HAUS1: variants seen among roughly 807,000 people sequenced by gnomAD.
HAUS1 encodes HAUS augmin like complex subunit 1.
Under a neutral mutation model 38.6 loss-of-function variants are expected in HAUS1, and 25 were observed. The ratio of observed to expected loss-of-function variants is 0.65; its 90% CI spans 0.47 to 0.91. The LOEUF (loss-of-function observed/expected upper bound fraction) is 0.91, where lower values mean the gene tolerates loss of function less well. Ranked by LOEUF, HAUS1 falls within the 40% of genes least tolerant of loss-of-function variation. The probability of loss-of-function intolerance (pLI) is 0.00; values close to 1 mark genes in which losing one functional copy is unlikely to be tolerated. For synonymous variants in HAUS1, 109 were observed against 112.9 expected (o/e 0.97, Z 0.22); for missense variants, 325 against 328.4 (o/e 0.99, Z 0.08).
intron 2 of HAUS1, chr18:46,115,017 A>G (rs1911762714): frequency 6.6e-6 from 1 of 152,294 alleles, no homozygotes; most frequent in Admixed American, 6.5e-5. Flanking sequence ...CTGGAAGTTG[A>G]TCTCCTGGTC....
At chr18:46,120,489 C>T (rs1384418742) in intron 4 of HAUS1, among the ~76,000 whole-genome samples, 12 of 151,952 alleles carry the variant, frequency 7.9e-5, no homozygotes, top group South Asian at 2.1e-4. Context: ...CCGCCTCGGC[C>T]TCCCAAAGTG....
intron 2 of HAUS1, among the ~76,000 whole-genome samples, chr18:46,112,075 T>C (rs1208210323): frequency 6.7e-6 from 1 of 150,090 alleles, no homozygotes; most frequent in Non-Finnish European, 1.5e-5. Flanking sequence ...TTAGTAGAGA[T>C]GGGGTTTCAC....
chr18:46,113,082 A>G (rs1448068618), intron 2 of HAUS1, among the ~76,000 whole-genome samples: 1 of 131,336 alleles, frequency 7.6e-6, no homozygotes, highest in African/African-American at 3.0e-5. Context: ...TTCCATATAT[A>G]TATATATATT....
At chr18:46,104,690 CCA>C (rs1911406934) in intron 1 of HAUS1, among the ~76,000 whole-genome samples, 1 of 152,146 alleles carries the variant, frequency 6.6e-6, no homozygotes, top group Non-Finnish European at 1.5e-5. Flanking sequence ...CAGCCCGTGT[CCA>C]CAGACTCTGG....
chr18:46,115,874 C>T (rs555275309), intron 2 of HAUS1, among the ~76,000 whole-genome samples: 1 of 151,574 alleles, frequency 6.6e-6, no homozygotes, highest in Non-Finnish European at 1.5e-5. Context: ...CTCAGCACTT[C>T]GGGAGGCTGA....
At chr18:46,120,485 C>T (rs984402798) in intron 4 of HAUS1, among the ~76,000 whole-genome samples, 7 of 151,824 alleles carry the variant, frequency 4.6e-5, no homozygotes, top group African/African-American at 1.5e-4. Context: ...CCGCCCGCCT[C>T]GGCCTCCCAA....
Position 46,128,068 on chromosome 18 carries a change from C to G in HAUS1, c.787-7C>G, listed in dbSNP as rs369208933. The G allele has an allele frequency of 1.3e-6, 2 of 1,548,314 alleles. No individual in the cohort carries two copies. Among genetic ancestry groups the G allele is most frequent in the South Asian group, 2.4e-5 (2 of 82,374 alleles). ...TCCTTATCTATGGTATGTCTTTCTT[C>G]CTGTAGGATAGCATTGAAGCTGAAC... On this transcript the variant is annotated splice_polypyrimidine_tract_variant and splice_region_variant and intron_variant, in intron 8 of 8. Transcript: ENST00000282058.
intron 6 of HAUS1, among the ~76,000 whole-genome samples, chr18:46,124,038 G>T (rs1912026786): frequency 6.6e-6 from 1 of 151,978 alleles, no homozygotes; most frequent in Non-Finnish European, 1.5e-5. Context: ...ACCACACCCA[G>T]CCTCCTTTAT....
chr18:46,107,754 G>A (rs1040999856), intron 2 of HAUS1, among the ~76,000 whole-genome samples: 1 of 152,180 alleles, frequency 6.6e-6, no homozygotes, highest in Non-Finnish European at 1.5e-5. Context: ...TTTTTTAGGT[G>A]CAGTTTTTAT....
At chr18:46,120,963 C>CA (rs1911923347) in intron 4 of HAUS1, among the ~76,000 whole-genome samples, 3 of 152,262 alleles carry the variant, frequency 2.0e-5, no homozygotes, top group Admixed American at 2.0e-4. Flanking sequence ...TACTTAAAGT[C>CA]ACATTATGTT....
In HAUS1 at chr18:46,128,070, TG is replaced by T. The variant is rs755909032; in HGVS notation, c.787-4del. The T allele has an allele frequency of 6.4e-7, 1 of 1,562,328 alleles. No homozygotes were observed. The highest frequency in any genetic ancestry group is 2.0e-5 in the Admixed American group (1 of 50,576). ...CTTATCTATGGTATGTCTTTCTTCC[TG>T]TAGGATAGCATTGAAGCTGAACTTA... On this transcript the variant is annotated splice_polypyrimidine_tract_variant and splice_region_variant and intron_variant, in intron 8 of 8. Coordinates refer to ENST00000282058, the MANE Select transcript of HAUS1 (RefSeq NM_138443.4).
At chr18:46,127,023 G>A (rs1312448171) in intron 8 of HAUS1, among the ~76,000 whole-genome samples, 1 of 151,756 alleles carries the variant, frequency 6.6e-6, no homozygotes, top group Non-Finnish European at 1.5e-5. Context: ...TTAGTAGGAC[G>A]GGGTTTTGCT....
intron 7 of HAUS1, 42 bp from the exon 8 acceptor site, chr18:46,125,702 T>C (rs779900856): frequency 7.3e-6 from 10 of 1,367,974 alleles, no homozygotes; most frequent in South Asian, 6.2e-5. Context: ...TGGGTCTGAA[T>C]TGAGGCAATA....
At chr18:46,113,224 G>A (rs1911720295) in intron 2 of HAUS1, among the ~76,000 whole-genome samples, 1 of 151,066 alleles carries the variant, frequency 6.6e-6, no homozygotes, top group Non-Finnish European at 1.5e-5. Context: ...CTACAGGCGT[G>A]CAACACTATG....
At chr18:46,125,620 T>C (rs1295296914) in intron 7 of HAUS1, 124 bp from the exon 8 acceptor site, 1 of 622,610 alleles carries the variant, frequency 1.6e-6, no homozygotes, top group East Asian at 2.8e-5. Flanking sequence ...ATTTCAGTGT[T>C]ATATGTACAT....
At chr18:46,124,603 A>G (rs1340119686) in intron 6 of HAUS1, among the ~76,000 whole-genome samples, 1 of 151,886 alleles carries the variant, frequency 6.6e-6, no homozygotes, top group African/African-American at 2.4e-5. Context: ...AATTATAATA[A>G]TAATAATTAA....
chr18:46,109,464 A>C (rs771046234), intron 2 of HAUS1, among the ~76,000 whole-genome samples: 3 of 152,118 alleles, frequency 2.0e-5, no homozygotes, highest in Non-Finnish European at 2.9e-5. Flanking sequence ...ATTTCATTTC[A>C]TTATGACCAG....
chr18:46,104,796 C>G (rs1357083260), intron 1 of HAUS1, among the ~76,000 whole-genome samples: 1 of 148,610 alleles, frequency 6.7e-6, no homozygotes, highest in Non-Finnish European at 1.5e-5. Context: ...CATCCCAACA[C>G]TGGGAGCCTC....
At chr18:46,120,239 CTT>C (rs760308150) in intron 4 of HAUS1, among the ~76,000 whole-genome samples, 179 bp downstream of exon 4, 2 of 144,032 alleles carry the variant, frequency 1.4e-5, no homozygotes, top group Non-Finnish European at 1.5e-5. Flanking sequence ...ACTTTTCCAG[CTT>C]TTTTTTTTTT....
Sources: gnomAD v4.1 joint callset for allele counts (sites outside exome capture counted in the v4.1 genomes callset) on GRCh38, gnomAD v4.1.1 for gene constraint, MANE v1.5 for transcripts, NCBI Gene and HGNC (gene_info 2026-07-23, HGNC 2026-07-21) for gene names.